Variants in ARHGAP15 observed in about 807,000 individuals in gnomAD.
The protein encoded by ARHGAP15 is rho GTPase-activating protein 15.
In ARHGAP15, 51 loss-of-function variants were observed where a neutral mutation model predicts 63.7. The observed-to-expected ratio is 0.80, with a 90% confidence interval of 0.64 to 1.01. The LOEUF is 1.01. Ranked by LOEUF, ARHGAP15 falls within the 50% of genes least tolerant of loss-of-function variation. The pLI is 0.00. For missense variants in ARHGAP15, 560 were observed against 564.6 expected (o/e 0.99, Z 0.08); for synonymous variants, 191 against 193.8 (o/e 0.99, Z 0.12).
At chr2:143,239,927 G>T (rs1322173231) in intron 5 of ARHGAP15, among the ~76,000 whole-genome samples, 1 of 142,608 alleles carries the variant, frequency 7.0e-6, no homozygotes, top group African/African-American at 2.6e-5. Flanking sequence ...GGAGGTGGTG[G>T]TTGCAGTGAG....
chr2:143,443,088 G>C (rs537854193), intron 8 of ARHGAP15, among the ~76,000 whole-genome samples: 1 of 152,204 alleles, frequency 6.6e-6, no homozygotes, highest in African/African-American at 2.4e-5. Flanking sequence ...AGTCACACGA[G>C]TTTCTTGGAT....
chr2:143,767,911 C>G, intron 13 of ARHGAP15, 78 bp from the exon 14 acceptor site: 1 of 1,362,406 alleles, frequency 7.3e-7, no homozygotes, highest in Non-Finnish European at 1.0e-6. Flanking sequence ...AATGAGAAAC[C>G]TTTTTTAATC....
At chr2:143,278,330 C>A (rs1385191204) in intron 6 of ARHGAP15, among the ~76,000 whole-genome samples, 1 of 152,152 alleles carries the variant, frequency 6.6e-6, no homozygotes, top group Non-Finnish European at 1.5e-5. Flanking sequence ...CTGCAGCAGG[C>A]ACTCTTGTGT....
chr2:143,247,176 C>G (rs1694072190), intron 5 of ARHGAP15: 2 of 152,356 alleles, frequency 1.3e-5, no homozygotes, highest in African/African-American at 4.8e-5. Context: ...ACAGGCTGCA[C>G]AGGGGAATGA....
chr2:143,159,355 A>G (rs2105018084), intron 2 of ARHGAP15, among the ~76,000 whole-genome samples: 1 of 152,098 alleles, frequency 6.6e-6, no homozygotes, highest in East Asian at 1.9e-4. Flanking sequence ...AAAAATTGCT[A>G]CTAAAAATAT....
chr2:143,425,375 C>T (rs1279991290), intron 6 of ARHGAP15, among the ~76,000 whole-genome samples: 1 of 151,884 alleles, frequency 6.6e-6, no homozygotes, highest in Non-Finnish European at 1.5e-5. Context: ...CATATGTACA[C>T]ATGTACTATA....
Position 143,702,410 on chromosome 2 carries a change from A to AT in ARHGAP15, c.1139-1000dup, listed in dbSNP as rs1034077155. On this transcript the variant is annotated intron_variant, in intron 12 of 13. Transcript: ENST00000295095. ...TATGACCAGGAAATATGCTATTTCA[A>AT]TTTTTTTTTCTGTTTTACCCTCTTA... Among the ~76,000 whole-genome samples, 72 of 151,718 alleles carry AT rather than the reference A, an allele frequency of 4.7e-4. 1 individual carries two copies. The highest frequency in any genetic ancestry group is 3.4e-3 in the Middle Eastern group (1 of 292).
chr2:143,469,888 G>T (rs1292823282), intron 8 of ARHGAP15, among the ~76,000 whole-genome samples: 1 of 152,078 alleles, frequency 6.6e-6, no homozygotes, highest in African/African-American at 2.4e-5. Context: ...TGGTCTAGGG[G>T]TCTGAGACCT....
intron 6 of ARHGAP15, among the ~76,000 whole-genome samples, chr2:143,301,486 C>T (rs1031724469): frequency 1.3e-5 from 2 of 151,868 alleles, no homozygotes; most frequent in Admixed American, 1.3e-4. Context: ...AAATTGTCTC[C>T]ACAAGTCACT....
chr2:143,730,538 A>G (rs1028925934), intron 13 of ARHGAP15, among the ~76,000 whole-genome samples: 1 of 152,188 alleles, frequency 6.6e-6, no homozygotes, highest in Non-Finnish European at 1.5e-5. Context: ...TCTGAAAATG[A>G]GTGAACTAAG....
chr2:143,456,880 A>G (rs2105147458), intron 8 of ARHGAP15, among the ~76,000 whole-genome samples: 1 of 152,110 alleles, frequency 6.6e-6, no homozygotes, highest in Admixed American at 6.6e-5. Context: ...TCTATAGTAT[A>G]TAAAAATAAA....
intron 12 of ARHGAP15, among the ~76,000 whole-genome samples, chr2:143,657,825 T>C (rs1681535788): frequency 6.6e-6 from 1 of 152,226 alleles, no homozygotes; most frequent in African/African-American, 2.4e-5. Flanking sequence ...CATTGATTTG[T>C]TCCTATTGTG....
At chr2:143,575,659 C>T (rs1334764321) in intron 11 of ARHGAP15, among the ~76,000 whole-genome samples, 1 of 152,058 alleles carries the variant, frequency 6.6e-6, no homozygotes, top group Non-Finnish European at 1.5e-5. Context: ...GTGATGGGCA[C>T]ATTACTCTTC....
rs138706588 is a variant in ARHGAP15 at position 143,337,971 on chromosome 2, C to T, written c.474+87371C>T. Among the ~76,000 whole-genome samples the T allele has an allele frequency of 5.3e-5, 8 of 152,152 alleles. No homozygotes were observed. In the East Asian group the frequency reaches 1.5e-3, roughly 29 times the overall value. The stretch of plus-strand genomic sequence containing the variant: ...AATGTAAATTTTTGAAGGCATTACT[C>T]CTCCCTTTCACTTCTAGTTCTCAAA... On this transcript the variant is annotated intron_variant, in intron 6 of 13. Coordinates refer to ENST00000295095, the MANE Select transcript of ARHGAP15 (RefSeq NM_018460.4).
At chr2:143,238,723 A>G (rs766482292) in intron 5 of ARHGAP15, among the ~76,000 whole-genome samples, 1 of 152,202 alleles carries the variant, frequency 6.6e-6, no homozygotes, top group Non-Finnish European at 1.5e-5. Context: ...CAATCATTCT[A>G]TTATAAAGAC....
intron 9 of ARHGAP15, among the ~76,000 whole-genome samples, chr2:143,500,783 T>A (rs1249603101): frequency 6.6e-6 from 1 of 152,186 alleles, no homozygotes; most frequent in African/African-American, 2.4e-5. Flanking sequence ...TCTAAGAAAC[T>A]GCTACCAAGG....
chr2:143,700,341 A>T (rs1684029822), intron 12 of ARHGAP15, among the ~76,000 whole-genome samples: 1 of 152,114 alleles, frequency 6.6e-6, no homozygotes, highest in African/African-American at 2.4e-5. Context: ...CCCCACCCTG[A>T]CTGGATCATG....
intron 6 of ARHGAP15, among the ~76,000 whole-genome samples, chr2:143,401,274 A>G (rs1357321938): frequency 6.6e-6 from 1 of 151,960 alleles, no homozygotes; most frequent in Non-Finnish European, 1.5e-5. Flanking sequence ...TCTATCATAA[A>G]TAGATAGAAA....
At chr2:143,589,024 A>C (rs903402859) in intron 11 of ARHGAP15, among the ~76,000 whole-genome samples, 1 of 152,118 alleles carries the variant, frequency 6.6e-6, no homozygotes, top group Non-Finnish European at 1.5e-5. Context: ...CTATTAAACT[A>C]GGCATGAAAA....
Sources: gnomAD v4.1 joint callset for allele counts (sites outside exome capture counted in the v4.1 genomes callset) on GRCh38, gnomAD v4.1.1 for gene constraint, MANE v1.5 for transcripts, NCBI Gene and HGNC (gene_info 2026-07-23, HGNC 2026-07-21) for gene names.